ADAMTSL3: variants seen among roughly 807,000 people sequenced by gnomAD.
ADAMTSL3 encodes ADAMTS like 3, also known as ADAMTS-like protein 3.
Under a neutral mutation model 201.7 loss-of-function variants are expected in ADAMTSL3, and 128 were observed. The ratio of observed to expected loss-of-function variants is 0.63; its 90% CI spans 0.55 to 0.73. The LOEUF (loss-of-function observed/expected upper bound fraction) is 0.73. ADAMTSL3 is among the 30% of genes least tolerant of loss of function. The pLI is 0.00. For missense variants in ADAMTSL3, 1,990 were observed against 2,119.6 expected (o/e 0.94, Z 1.20); for synonymous variants, 738 against 748.4 (o/e 0.99, Z 0.23).
At chr15:83,863,908 C>T (rs1216452764) in intron 8 of ADAMTSL3, among the ~76,000 whole-genome samples, 1 of 151,934 alleles carries the variant, frequency 6.6e-6, no homozygotes, top group Non-Finnish European at 1.5e-5. Flanking sequence ...CAAATAGATG[C>T]AATAAAAAAT....
intron 12 of ADAMTSL3, among the ~76,000 whole-genome samples, chr15:83,891,614 CTGAG>C (rs1242348766): frequency 1.3e-5 from 2 of 152,142 alleles, no homozygotes; most frequent in Non-Finnish European, 2.9e-5. Context: ...TCTTGGACAA[CTGAG>C]TATTATAGCA....
chr15:83,692,326 AT>A (rs1204045787), intron 2 of ADAMTSL3, among the ~76,000 whole-genome samples: 3 of 151,912 alleles, frequency 2.0e-5, no homozygotes, highest in Non-Finnish European at 4.4e-5. Flanking sequence ...GAGTGATGCC[AT>A]TTTATATACA....
rs116809172 is a variant in ADAMTSL3 at position 83,999,884 on chromosome 15, G to T, written c.3973+8670G>T. 6.3e-3 allele frequency among the ~76,000 whole-genome samples: 962 copies of T among 152,252 alleles called. 13 individuals are homozygous for T. Among genetic ancestry groups the T allele is most frequent in the African/African-American group, 0.022 (914 of 41,530 alleles). On this transcript the variant is annotated intron_variant, in intron 23 of 29. Transcript: ENST00000286744. ...ACTGGGTTTAACAATTACCCTTTCA[G>T]GGGAGGATCTTGAGAAAATATTTGT...
chr15:83,968,189 TAATTA>T (rs1331872038), intron 19 of ADAMTSL3, among the ~76,000 whole-genome samples: 4 of 152,182 alleles, frequency 2.6e-5, no homozygotes, highest in Admixed American at 6.5e-5. Context: ...AAATGGGATC[TAATTA>T]AACTGAAGAG....
chr15:83,847,901 T>C (rs1398118215), intron 7 of ADAMTSL3, among the ~76,000 whole-genome samples: 1 of 152,018 alleles, frequency 6.6e-6, no homozygotes, highest in Non-Finnish European at 1.5e-5. Flanking sequence ...CACAACATTA[T>C]CTCATTTTAA....
intron 3 of ADAMTSL3, among the ~76,000 whole-genome samples, chr15:83,718,716 A>C (rs2062053871): frequency 6.6e-6 from 1 of 151,786 alleles, no homozygotes; most frequent in East Asian, 2.0e-4. Flanking sequence ...AAATTGGGAC[A>C]AAATTTGAGC....
At chr15:83,869,204 T>A (rs2065035973) in intron 8 of ADAMTSL3, among the ~76,000 whole-genome samples, 1 of 152,188 alleles carries the variant, frequency 6.6e-6, no homozygotes, top group East Asian at 1.9e-4. Flanking sequence ...TTAATGCTCT[T>A]ATTGCTTATC....
intron 23 of ADAMTSL3, among the ~76,000 whole-genome samples, chr15:84,005,649 C>G (rs1384973401): frequency 1.3e-5 from 2 of 152,176 alleles, no homozygotes; most frequent in African/African-American, 4.8e-5. Context: ...CAGGCTCGCG[C>G]AAAGCAGAAG....
intron 26 of ADAMTSL3, among the ~76,000 whole-genome samples, chr15:84,023,589 A>T (rs1345269297): frequency 1.3e-5 from 2 of 152,200 alleles, no homozygotes; most frequent in Admixed American, 6.5e-5. Context: ...CAGCAAACTC[A>T]TGCTTCAGTA....
At chr15:83,949,040 A>T (rs1324029293) in intron 19 of ADAMTSL3, among the ~76,000 whole-genome samples, 1 of 152,130 alleles carries the variant, frequency 6.6e-6, no homozygotes, top group Admixed American at 6.6e-5. Context: ...TAATTATTTT[A>T]AAAATGCAAT....
In ADAMTSL3 at chr15:83,983,258, C is replaced by A. The variant is rs750984939; in HGVS notation, c.3630C>A (p.Val1210=). The A allele has an allele frequency of 1.2e-6, 2 of 1,612,538 alleles. No individual in the cohort carries two copies. The highest frequency in any genetic ancestry group is 1.7e-6 in the Non-Finnish European group (2 of 1,179,348). Reference sequence around the variant, plus strand: ...TATACATTACAAAAAGGACAGAGGTCATCAATATACTGTGTGACCTTATTA... The same window carrying A: ...TATACATTACAAAAAGGACAGAGGTAATCAATATACTGTGTGACCTTATTA... The part of the protein sequence containing the change: ...NTVYITKRTE[V]INILCDLITP... The change falls in exon 21 of 30, where the codon GTC becomes GTA. Residue 1210 remains valine, a synonymous_variant. Transcript: ENST00000286744.
intron 23 of ADAMTSL3, 35 bp downstream of exon 23, chr15:83,991,249 G>A: frequency 6.2e-7 from 1 of 1,613,336 alleles, no homozygotes; most frequent in East Asian, 2.2e-5. Flanking sequence ...GGCCATTTCA[G>A]TGGGAGGTAA....
intron 28 of ADAMTSL3, 51 bp downstream of exon 28, chr15:84,031,483 A>T (rs1259379741): frequency 6.6e-7 from 1 of 1,513,676 alleles, no homozygotes; most frequent in Admixed American, 1.7e-5. Flanking sequence ...CTCACTCAGG[A>T]CAATGATTAT....
At chr15:83,813,298 T>G (rs1731722012) in intron 5 of ADAMTSL3, among the ~76,000 whole-genome samples, 1 of 152,156 alleles carries the variant, frequency 6.6e-6, no homozygotes, top group South Asian at 2.1e-4. Flanking sequence ...GGCTATTCGT[T>G]TTCCACTACT....
chr15:84,032,743 T>C (rs1339294353), intron 28 of ADAMTSL3, among the ~76,000 whole-genome samples: 1 of 152,238 alleles, frequency 6.6e-6, no homozygotes, highest in Non-Finnish European at 1.5e-5. Context: ...AATATTCTGT[T>C]GCTAATGGAC....
chr15:83,915,476 G>A (rs997753040), intron 16 of ADAMTSL3, among the ~76,000 whole-genome samples: 1 of 146,758 alleles, frequency 6.8e-6, no homozygotes, highest in East Asian at 2.0e-4. Context: ...TAGGATGGCT[G>A]AACTCATGTG....
chr15:84,014,566 G>T lies in ADAMTSL3; in HGVS notation c.3998G>T (p.Trp1333Leu). The change falls in exon 24 of 30, where the codon TGG becomes TTG. Residue 1333 changes from tryptophan to leucine, a missense_variant. Transcript: ENST00000286744. ...VKGVPQPNIT[W>L]LKRGGSLSGN... ...GGTGTCCCTCAGCCTAATATAACTT[G>T]GTTGAAGAGAGGAGGATCTCTGAGT... The T allele has an allele frequency of 6.2e-7, 1 of 1,614,038 alleles. No homozygotes were observed. The highest frequency in any genetic ancestry group is 8.5e-7 in the Non-Finnish European group (1 of 1,179,966).
At chr15:83,941,711 T>C (rs1184383337) in intron 17 of ADAMTSL3, among the ~76,000 whole-genome samples, 2 of 152,240 alleles carry the variant, frequency 1.3e-5, no homozygotes, top group Non-Finnish European at 2.9e-5. Context: ...TTTTGTAAAA[T>C]GTAATTCAAT....
chr15:83,715,832 C>G (rs1281237229), intron 3 of ADAMTSL3, among the ~76,000 whole-genome samples: 1 of 152,310 alleles, frequency 6.6e-6, no homozygotes, highest in East Asian at 1.9e-4. Context: ...AGACTGGACT[C>G]CATGCCTTTC....
Sources: allele counts gnomAD v4.1 joint callset (sites outside exome capture counted in the v4.1 genomes callset), GRCh38; gene constraint gnomAD v4.1.1; transcripts MANE v1.5; gene names NCBI Gene and HGNC (gene_info 2026-07-23, HGNC 2026-07-21).